Variants in SYN3 observed in about 807,000 individuals in gnomAD.
SYN3 encodes synapsin-3.
In SYN3, 35 loss-of-function variants were observed where a neutral mutation model predicts 65.8. The ratio of observed to expected loss-of-function variants is 0.53; its 90% confidence interval spans 0.41 to 0.70. The LOEUF (loss-of-function observed/expected upper bound fraction) is 0.70, where lower values mean the gene tolerates loss of function less well. SYN3 is among the 30% of genes least tolerant of loss of function. The probability of loss-of-function intolerance (pLI) is 0.00; values close to 1 mark genes in which losing one functional copy is unlikely to be tolerated. For synonymous variants in SYN3, 270 were observed against 292.9 expected (o/e 0.92, Z 0.80); for missense variants, 680 against 749.0 (o/e 0.91, Z 1.08).
intron 2 of SYN3, among the ~76,000 whole-genome samples, chr22:32,993,287 T>C (rs183384248): frequency 6.6e-6 from 1 of 152,292 alleles, no homozygotes; most frequent in East Asian, 1.9e-4. Flanking sequence ...TTTCTGACAC[T>C]CAGGTCTCCC....
At chr22:33,025,841 T>C (rs739143) in intron 1 of SYN3, among the ~76,000 whole-genome samples, 52,953 of 152,012 alleles carry the variant, frequency 0.35, 10,420 homozygotes, top group Non-Finnish European at 0.44. Flanking sequence ...CCACTGACTT[T>C]GGGTAGTCAT....
Position 32,508,449 on chromosome 22 carries a change from C to T in SYN3, c.*5243G>A, listed in dbSNP as rs1340389235. ...CCTGCACCCAGGTGAAATAAACAGC[C>T]ATGTTGCTCACACAAAGCCTGTTTA... On this transcript the variant is annotated 3_prime_UTR_variant, in exon 14 of 14. Transcript: ENST00000358763. Among the ~76,000 whole-genome samples, 1 of 152,136 alleles carries T rather than the reference C, an allele frequency of 6.6e-6. No individual in the cohort carries two copies. The highest frequency in any genetic ancestry group is 1.5e-5 in the Non-Finnish European group (1 of 68,034).
At chr22:32,779,826 A>G (rs2145820765) in intron 6 of SYN3, among the ~76,000 whole-genome samples, 1 of 152,250 alleles carries the variant, frequency 6.6e-6, no homozygotes, top group East Asian at 1.9e-4. Flanking sequence ...AGTACCATCA[A>G]GGGTCCAGGT....
intron 3 of SYN3, among the ~76,000 whole-genome samples, chr22:32,943,751 C>A (rs137566): frequency 0.99 from 151,237 of 152,314 alleles, 75,090 homozygotes; most frequent in East Asian, 1. Context: ...GGATGGAGGA[C>A]GACCTACCAA....
intron 6 of SYN3, among the ~76,000 whole-genome samples, chr22:32,740,899 T>C (rs960145716): frequency 5.3e-5 from 8 of 152,152 alleles, no homozygotes; most frequent in African/African-American, 1.9e-4. Context: ...TGAGGTGATC[T>C]TGATGGTCCA....
chr22:32,811,036 A>C (rs188538309), intron 6 of SYN3, among the ~76,000 whole-genome samples: 1 of 152,186 alleles, frequency 6.6e-6, no homozygotes, highest in African/African-American at 2.4e-5. Flanking sequence ...GAAATACTTC[A>C]TGGAATGTTT....
rs573139912 is a variant in SYN3, at chr22:32,779,581, G to A, written c.711+85334C>T. On this transcript the variant is annotated intron_variant, in intron 6 of 13. Transcript: ENST00000358763. ...CATTTAATCTTCGCTGCAACTCTCC[G>A]AAGCGGGCATTATTATTCCCACTTT... 1.6e-4 allele frequency among the ~76,000 whole-genome samples: 24 copies of A among 152,256 alleles called. No homozygotes were observed. The South Asian group carries it at 3.5e-3, about 22-fold the overall frequency.
chr22:32,685,603 C>T (rs1326476691), intron 6 of SYN3, among the ~76,000 whole-genome samples: 3 of 152,132 alleles, frequency 2.0e-5, no homozygotes, highest in Admixed American at 6.6e-5. Flanking sequence ...AGGTTTGTAG[C>T]CTGGAAGTAA....
At chr22:33,017,034 G>C (rs2145847009) in intron 1 of SYN3, among the ~76,000 whole-genome samples, 1 of 152,222 alleles carries the variant, frequency 6.6e-6, no homozygotes, top group South Asian at 2.1e-4. Flanking sequence ...TAGTTTTATA[G>C]TTTCAGGTCT....
chr22:33,003,162 G>A (rs1482327903), intron 2 of SYN3, among the ~76,000 whole-genome samples: 1 of 152,180 alleles, frequency 6.6e-6, no homozygotes, highest in African/African-American at 2.4e-5. Context: ...CCCAGTCTCA[G>A]GTAGTTCTTT....
chr22:32,569,257 A>ATCTATCTG (rs1555898447), intron 7 of SYN3, among the ~76,000 whole-genome samples: 5 of 12,080 alleles, frequency 4.1e-4, no homozygotes, highest in Non-Finnish European at 7.9e-4. Context: ...TGCATCCAAA[A>ATCTATCTG]TCTATCTATC....
intron 3 of SYN3, among the ~76,000 whole-genome samples, chr22:32,934,446 C>A (rs57812631): frequency 6.6e-6 from 1 of 152,146 alleles, no homozygotes; most frequent in Non-Finnish European, 1.5e-5. Flanking sequence ...TGAATAATTA[C>A]AGGAGATAAC....
chr22:32,715,741 T>C (rs2061029164), intron 6 of SYN3, among the ~76,000 whole-genome samples: 1 of 136,148 alleles, frequency 7.3e-6, no homozygotes, highest in Admixed American at 8.5e-5. Flanking sequence ...ATCGTGCCAC[T>C]GCACTCCTGC....
intron 6 of SYN3, among the ~76,000 whole-genome samples, chr22:32,650,279 C>CTTTTTTTT (rs1371405589): frequency 1.8e-5 from 2 of 111,818 alleles, no homozygotes; most frequent in Non-Finnish European, 3.4e-5. Flanking sequence ...CTCTCTCTTT[C>CTTTTTTTT]TTTTTGAGAC....
chr22:32,610,287 C>CT (rs1300918281), intron 6 of SYN3, among the ~76,000 whole-genome samples: 2 of 151,642 alleles, frequency 1.3e-5, no homozygotes, highest in African/African-American at 4.9e-5. Flanking sequence ...TCCCCCTGCC[C>CT]CCCCCAAAAA....
At position 32,893,055 on chromosome 22, in the gene SYN3, T is replaced by A. The variant is rs564651454; in HGVS notation, c.462-23930A>T. ...TAAAATTAAAAAGATGGGCCCTGCT[T>A]CCTCTGGAGGCAACATGGTAGAATA... On this transcript the variant is annotated intron_variant, in intron 4 of 13. Transcript: ENST00000358763. 1.1e-4 allele frequency among the ~76,000 whole-genome samples: 16 copies of A among 152,250 alleles called. No homozygotes were observed. The South Asian group carries it at 3.3e-3, about 32-fold the overall frequency.
chr22:32,853,316 C>T (rs546000256), intron 6 of SYN3, among the ~76,000 whole-genome samples: 7 of 152,256 alleles, frequency 4.6e-5, no homozygotes, highest in South Asian at 2.1e-4. Context: ...CGTGATAGCT[C>T]GGTCGGTCTG....
At chr22:32,816,854 C>T (rs1442165732) in intron 6 of SYN3, among the ~76,000 whole-genome samples, 1 of 152,192 alleles carries the variant, frequency 6.6e-6, no homozygotes, top group Non-Finnish European at 1.5e-5. Flanking sequence ...GGGCAGGCAA[C>T]ATTTCTTTGT....
intron 6 of SYN3, among the ~76,000 whole-genome samples, chr22:32,652,379 G>GC (rs2060084372): frequency 7.2e-6 from 1 of 138,872 alleles, no homozygotes; most frequent in East Asian, 2.1e-4. Context: ...TGCGATGCAA[G>GC]TTTTTTTTTT....
Sources: gnomAD v4.1 joint callset for allele counts (sites outside exome capture counted in the v4.1 genomes callset) on GRCh38, gnomAD v4.1.1 for gene constraint, MANE v1.5 for transcripts, NCBI Gene and HGNC (gene_info 2026-07-23, HGNC 2026-07-21) for gene names.